Variants in TSNARE1 observed in about 807,000 individuals in gnomAD.
The protein encoded by TSNARE1 is t-SNARE domain containing 1.
In TSNARE1, 49 loss-of-function variants were observed where a neutral mutation model predicts 62.0. The observed-to-expected ratio is 0.79, with a 90% CI of 0.63 to 1.00. The LOEUF (loss-of-function observed/expected upper bound fraction) is 1.00, where lower values mean the gene tolerates loss of function less well. Ranked by LOEUF, TSNARE1 falls within the 50% of genes least tolerant of loss-of-function variation. The probability of loss-of-function intolerance (pLI) is 0.00; values close to 1 mark genes in which losing one functional copy is unlikely to be tolerated. For missense variants in TSNARE1, 755 were observed against 700.1 expected (o/e 1.08, Z -0.88); for synonymous variants, 328 against 294.4 (o/e 1.11, Z -1.17).
chr8:142,303,281 G>A (rs998090542), intron 9 of TSNARE1, among the ~76,000 whole-genome samples: 11 of 152,128 alleles, frequency 7.2e-5, no homozygotes, highest in East Asian at 1.9e-4. Context: ...GAGGCCTCCC[G>A]GGGTAGCAGG....
At chr8:142,333,802 G>A (rs926414995) in intron 4 of TSNARE1, among the ~76,000 whole-genome samples, 8 of 152,178 alleles carry the variant, frequency 5.3e-5, no homozygotes, top group African/African-American at 1.4e-4. Flanking sequence ...TCCAGCAGCC[G>A]CACTCATGGC....
At chr8:142,238,088 C>T (rs1209929632) in intron 12 of TSNARE1, among the ~76,000 whole-genome samples, 1 of 152,160 alleles carries the variant, frequency 6.6e-6, no homozygotes, top group African/African-American at 2.4e-5. Context: ...GACTGTCAGG[C>T]ATCCTGGTGA....
At chr8:142,222,292 T>TC (rs1563754946) in intron 13 of TSNARE1, among the ~76,000 whole-genome samples, 489 of 22,698 alleles carry the variant, frequency 0.022, 156 homozygotes, top group Non-Finnish European at 0.031. Context: ...TCATTCACTC[T>TC]CACTCATTCA....
At position 142,314,929 on chromosome 8, in the gene TSNARE1, C is replaced by T. The variant is rs1179570728; in HGVS notation, c.1074+74G>A. The T allele has an allele frequency of 2.8e-6, 4 of 1,411,636 alleles. No homozygotes were observed. The East Asian group carries it at 6.8e-5, about 24-fold the overall frequency. 87.4% of individuals were successfully genotyped at this position (1,411,636 alleles called of 1,614,324 possible). A position where few individuals can be genotyped will look rare whatever the true frequency, so the allele number is the denominator to read the frequency against. On this transcript the variant is annotated intron_variant, in intron 8 of 13. Transcript: ENST00000524325. ...ACCAGGCCCACAGGGACAAGACAGC[C>T]ATGACAGTGCTCCGGGAACCGAGGC...
At chr8:142,387,928 T>G (rs1428371439) in intron 1 of TSNARE1, among the ~76,000 whole-genome samples, 2 of 152,140 alleles carry the variant, frequency 1.3e-5, no homozygotes, top group African/African-American at 2.4e-5. Context: ...AATGTTGATA[T>G]CACAACCAAA....
rs984190987 is a variant in TSNARE1, at chr8:142,354,570, GT to G, written c.88+66del. Reference sequence around the variant, plus strand: ...GGTTTCCAGCCATCAGCATGACACAGTGAGGATCCTACCCTACCCACTACCA... The same window carrying G: ...GGTTTCCAGCCATCAGCATGACACAGGAGGATCCTACCCTACCCACTACCA... On this transcript the variant is annotated intron_variant, in intron 2 of 13. Coordinates refer to ENST00000524325, the MANE Select transcript of TSNARE1 (RefSeq NM_145003.5). 2.6e-6 allele frequency: 3 copies of G among 1,146,832 alleles called. No individual in the cohort carries two copies. In the Admixed American group the frequency reaches 6.1e-5, roughly 23 times the overall value. 71.0% of individuals were successfully genotyped at this position (1,146,832 alleles called of 1,614,324 possible).
intron 10 of TSNARE1, among the ~76,000 whole-genome samples, chr8:142,298,853 C>T (rs574185790): frequency 4.5e-4 from 69 of 152,318 alleles, no homozygotes; most frequent in Middle Eastern, 6.8e-3. Flanking sequence ...GCCTTCAGGG[C>T]AGTGCTCCTG....
intron 11 of TSNARE1, among the ~76,000 whole-genome samples, chr8:142,281,583 G>A (rs1288512668): frequency 1.3e-5 from 2 of 151,984 alleles, no homozygotes; most frequent in Non-Finnish European, 2.9e-5. Context: ...CACAGCGCAT[G>A]GAGTCAGAAC....
chr8:142,381,972 C>T (rs935050894), intron 1 of TSNARE1, among the ~76,000 whole-genome samples: 13 of 152,124 alleles, frequency 8.5e-5, no homozygotes, highest in South Asian at 2.1e-4. Flanking sequence ...GTGAGCAGGC[C>T]GCCACCTCCT....
chr8:142,229,582 G>A lies in TSNARE1; in HGVS notation c.1447-3C>T, dbSNP rs775596601. On this transcript the variant is annotated splice_region_variant and splice_polypyrimidine_tract_variant and intron_variant, in intron 12 of 13. Transcript: ENST00000524325. ...CACTTGATCTTGTGTCTCTGGAGCTGGGAGAGAGAGAGAGGTTGTTTCCAT... is the reference window on the plus strand; with the variant it reads ...CACTTGATCTTGTGTCTCTGGAGCTAGGAGAGAGAGAGAGGTTGTTTCCAT... 5 of 1,613,008 alleles carry A rather than the reference G, an allele frequency of 3.1e-6. No individual in the cohort carries two copies. Among genetic ancestry groups the A allele is most frequent in the African/African-American group, 2.7e-5 (2 of 75,004 alleles).
At chr8:142,305,317 GGGAAGCTCA>G (rs1826479448) in intron 9 of TSNARE1, among the ~76,000 whole-genome samples, 1 of 152,028 alleles carries the variant, frequency 6.6e-6, no homozygotes, top group Non-Finnish European at 1.5e-5. Context: ...TGTGGAGAAG[GGGAAGCTCA>G]GGAGGATAGG....
rs181124708 is a variant in TSNARE1, at chr8:142,394,577, T to C, written c.-40+8527A>G. Reference sequence around the variant, plus strand: ...TGGGCCCATTTCCCATGGCGCAGTGTGGGAATGACAGGCCACAGTTTCTAC... The same window carrying C: ...TGGGCCCATTTCCCATGGCGCAGTGCGGGAATGACAGGCCACAGTTTCTAC... On this transcript the variant is annotated intron_variant, in intron 1 of 13. Transcript: ENST00000524325. 2.4e-3 allele frequency among the ~76,000 whole-genome samples: 358 copies of C among 152,250 alleles called. 3 individuals carry two copies. Among genetic ancestry groups the C allele is most frequent in the Admixed American group, 6.7e-3 (102 of 15,310 alleles).
In TSNARE1 at chr8:142,374,589, A is replaced by G. The variant is rs149982016; in HGVS notation, c.-39-19826T>C. ...AGGCTACTCGGGAAGCTGAGTTAGG[A>G]GAATGGCATGAAACCCAGAGGCGGA... On this transcript the variant is annotated intron_variant, in intron 1 of 13. Coordinates refer to ENST00000524325, the MANE Select transcript of TSNARE1 (RefSeq NM_145003.5). Among the ~76,000 whole-genome samples the G allele has an allele frequency of 2.7e-3, 412 of 149,986 alleles. 4 individuals are homozygous for G. Among genetic ancestry groups the G allele is most frequent in the African/African-American group, 9.5e-3 (386 of 40,714 alleles).
At chr8:142,227,513 C>A (rs1176608232) in intron 13 of TSNARE1, among the ~76,000 whole-genome samples, 1 of 152,112 alleles carries the variant, frequency 6.6e-6, no homozygotes, top group Non-Finnish European at 1.5e-5. Context: ...CCAGTGACAG[C>A]CAGGCCCCCC....
At chr8:142,270,990 C>G (rs1819477298) in intron 12 of TSNARE1, 2 of 985,466 alleles carry the variant, frequency 2.0e-6, no homozygotes, top group South Asian at 9.4e-5. Flanking sequence ...GCCCTGGAGA[C>G]CCAGTCACTG....
At chr8:142,389,898 TCA>T (rs1172146182) in intron 1 of TSNARE1, among the ~76,000 whole-genome samples, 1 of 152,218 alleles carries the variant, frequency 6.6e-6, no homozygotes, top group African/African-American at 2.4e-5. Flanking sequence ...TGTGCAAACA[TCA>T]CAGAGTATAT....
At chr8:142,225,020 CG>C (rs1816708132) in intron 13 of TSNARE1, among the ~76,000 whole-genome samples, 1 of 152,116 alleles carries the variant, frequency 6.6e-6, no homozygotes, top group Non-Finnish European at 1.5e-5. Flanking sequence ...CCAAGGGAGG[CG>C]TGGCTGCAGG....
At chr8:142,304,912 T>C (rs1032984043) in intron 9 of TSNARE1, among the ~76,000 whole-genome samples, 1 of 152,190 alleles carries the variant, frequency 6.6e-6, no homozygotes, top group Non-Finnish European at 1.5e-5. Context: ...TGACAGGCCC[T>C]ACAACAGCCC....
In TSNARE1 at chr8:142,343,538, C is replaced by T. The variant is rs144532747; in HGVS notation, c.745+428G>A. Among the ~76,000 whole-genome samples the T allele has an allele frequency of 9.6e-3, 1,451 of 151,748 alleles. 17 individuals carry two copies. The highest frequency in any genetic ancestry group is 0.02 in the Middle Eastern group (6 of 294). On this transcript the variant is annotated intron_variant, in intron 4 of 13. Coordinates refer to ENST00000524325, the MANE Select transcript of TSNARE1 (RefSeq NM_145003.5). The stretch of plus-strand genomic sequence containing the variant: ...GTGATGGTGACGGGAGAACTCTGTC[C>T]TGCCTGTCTGCATGCTCAGCTCCGC...
Sources: allele counts gnomAD v4.1 joint callset (sites outside exome capture counted in the v4.1 genomes callset), GRCh38; gene constraint gnomAD v4.1.1; transcripts MANE v1.5; gene names NCBI Gene and HGNC (gene_info 2026-07-23, HGNC 2026-07-21).